The following AP4E1 variants were observed in gnomAD, a reference collection of about 807,000 sequenced individuals.
AP4E1 encodes adaptor related protein complex 4 subunit epsilon 1, also known as AP-4 complex subunit epsilon-1.
Under a neutral mutation model 128.2 loss-of-function variants are expected in AP4E1, and 56 were observed. The observed-to-expected ratio is 0.44, with a 90% CI of 0.35 to 0.55. The LOEUF is 0.55. Ranked by LOEUF, AP4E1 falls within the 20% of genes least tolerant of loss-of-function variation. The pLI is 0.00. For missense variants in AP4E1, 1,324 were observed against 1,307.7 expected (o/e 1.01, Z -0.19); for synonymous variants, 484 against 473.1 (o/e 1.02, Z -0.30).
chr15:50,915,580 G>GAA lies in AP4E1; in HGVS notation c.346+9_346+10insAA. ...CTTAGAAAAAAGAGTAGGTATGTAT[G>GAA]TGTTTTAAGACTTTGATGCTTTCAT... is the stretch of plus-strand genomic sequence containing the variant. On this transcript the variant is annotated intron_variant, in intron 3 of 20. Transcript: ENST00000261842. 6.2e-7 allele frequency: 1 copy of GAA among 1,613,398 alleles called. No homozygotes were observed. The highest frequency in any genetic ancestry group is 1.1e-5 in the South Asian group (1 of 91,074).
chr15:50,961,673 A>T (rs1419922779), intron 14 of AP4E1, among the ~76,000 whole-genome samples: 1 of 152,070 alleles, frequency 6.6e-6, no homozygotes, highest in East Asian at 1.9e-4. Context: ...AACTGAAGGC[A>T]CTTCCTCTAA....
intron 1 of AP4E1, among the ~76,000 whole-genome samples, chr15:50,911,772 C>T (rs1391105969): frequency 6.6e-6 from 1 of 152,006 alleles, no homozygotes; most frequent in African/African-American, 2.4e-5. Context: ...GCTGTTGTGC[C>T]CGGCTTCCAC....
chr15:50,909,972 A>C (rs2063544777), intron 1 of AP4E1, among the ~76,000 whole-genome samples: 1 of 149,556 alleles, frequency 6.7e-6, no homozygotes, highest in African/African-American at 2.5e-5. Context: ...TGCGTGAGCT[A>C]CCCTGCCCGG....
intron 10 of AP4E1, chr15:50,945,484 G>A: frequency 1.3e-6 from 1 of 763,174 alleles, no homozygotes. Context: ...GGACACTCCT[G>A]TAATGTTCCA....
chr15:50,977,375 T>C (rs1370186811), intron 15 of AP4E1, among the ~76,000 whole-genome samples: 2 of 152,200 alleles, frequency 1.3e-5, no homozygotes, highest in African/African-American at 4.8e-5. Flanking sequence ...CCCAAGCTTA[T>C]GCAGTCCTTT....
intron 13 of AP4E1, among the ~76,000 whole-genome samples, chr15:50,954,769 T>A (rs2064193609): frequency 6.6e-6 from 1 of 152,220 alleles, no homozygotes; most frequent in South Asian, 2.1e-4. Context: ...TATGTATACA[T>A]GTGCCATGTT....
At chr15:50,925,066 C>G in intron 4 of AP4E1, 32 bp from the exon 5 acceptor site, 1 of 1,612,996 alleles carries the variant, frequency 6.2e-7, no homozygotes, top group East Asian at 2.2e-5. Flanking sequence ...AGTATTTACA[C>G]TAAATGTTTT....
intron 3 of AP4E1, among the ~76,000 whole-genome samples, chr15:50,922,408 C>T (rs1027410643): frequency 5.3e-5 from 8 of 152,056 alleles, no homozygotes; most frequent in Non-Finnish European, 1.2e-4. Context: ...TGTTTCAACT[C>T]TTAAGATTGT....
chr15:50,962,889 C>CA (rs71127168), intron 14 of AP4E1, among the ~76,000 whole-genome samples: 1,304 of 38,690 alleles, frequency 0.034, 176 homozygotes, highest in East Asian at 0.068. Flanking sequence ...AATTCAACAG[C>CA]AAAAAAAAAA....
At chr15:50,986,995 T>A (rs1204669767) in intron 16 of AP4E1, among the ~76,000 whole-genome samples, 21 of 152,342 alleles carry the variant, frequency 1.4e-4, no homozygotes, top group Non-Finnish European at 2.9e-4. Context: ...AGCCTGTTAT[T>A]GGTCTACTCA....
At chr15:50,909,284 G>A (rs1231421304) in intron 1 of AP4E1, among the ~76,000 whole-genome samples, 2 of 152,336 alleles carry the variant, frequency 1.3e-5, no homozygotes, top group Non-Finnish European at 1.5e-5. Flanking sequence ...TCAAGCGTGT[G>A]AAAATACCTA....
At chr15:50,968,691 G>A (rs2064430700) in intron 15 of AP4E1, among the ~76,000 whole-genome samples, 2 of 152,208 alleles carry the variant, frequency 1.3e-5, no homozygotes, top group East Asian at 1.9e-4. Context: ...GCAGTGGCAC[G>A]ATCTGGGCTT....
chr15:50,979,990 C>T (rs755063749), intron 15 of AP4E1, among the ~76,000 whole-genome samples: 11 of 152,050 alleles, frequency 7.2e-5, no homozygotes, highest in Non-Finnish European at 1.3e-4. Flanking sequence ...AAGAAGCAGG[C>T]TAGGAAAATC....
intron 7 of AP4E1, among the ~76,000 whole-genome samples, chr15:50,932,405 G>A (rs933536551): frequency 6.6e-6 from 1 of 152,082 alleles, no homozygotes; most frequent in East Asian, 1.9e-4. Flanking sequence ...CTCATTCTCT[G>A]TGTGTGCATG....
At chr15:50,995,192 G>A (rs145518836) in intron 17 of AP4E1, among the ~76,000 whole-genome samples, 1 of 152,214 alleles carries the variant, frequency 6.6e-6, no homozygotes, top group East Asian at 1.9e-4. Context: ...CCTCATTTTG[G>A]ATGGCTGTTT....
intron 19 of AP4E1, 143 bp from the exon 20 acceptor site, chr15:51,000,883 A>T: frequency 1.5e-6 from 1 of 648,792 alleles, no homozygotes; most frequent in Non-Finnish European, 2.6e-6. Flanking sequence ...AACCATTTTT[A>T]GCATATTTGG....
At chr15:50,996,809 G>A (rs1023252419) in intron 17 of AP4E1, among the ~76,000 whole-genome samples, 1 of 152,202 alleles carries the variant, frequency 6.6e-6, no homozygotes, top group Non-Finnish European at 1.5e-5. Context: ...CCTGCTGAGT[G>A]TTCCAGTCAG....
Position 50,958,650 on chromosome 15 carries a change from T to C in AP4E1, c.1707T>C (p.Asn569=). Residue 569 remains asparagine, a synonymous_variant, in exon 14 of 21, where the codon AAT becomes AAC. Transcript: ENST00000261842. ...TGACATCTCAGGCGCACTCTTCTAA[T>C]ACAGTTGAGAGATTAATCCATGAAT... ...TKLTSQAHSS[N]TVERLIHEFT... 6.2e-7 allele frequency: 1 copy of C among 1,614,168 alleles called. No homozygotes were observed. Among genetic ancestry groups the C allele is most frequent in the South Asian group, 1.1e-5 (1 of 91,086 alleles).
At position 50,997,719 on chromosome 15, in the gene AP4E1, A is replaced by C. The variant is rs755478140; in HGVS notation, c.2740A>C (p.Ile914Leu). The change falls in exon 18 of 21, where the codon ATA (isoleucine) becomes CTA (leucine). Residue 914 changes from isoleucine to leucine, a missense_variant. Ile to Leu is a conservative substitution (Grantham distance 5). Transcript: ENST00000261842. ...TTTTTTGGAAGAAACTACTGAATAC[A>C]TACACTCAAATGCTATGGAAGTCTG... ...SSFLEETTEYIHSNAMEVCNN... is the reference protein window; with the variant it reads ...SSFLEETTEYLHSNAMEVCNN... 71 of 1,613,912 alleles carry C rather than the reference A, an allele frequency of 4.4e-5. 1 individual carries two copies. The highest frequency in any genetic ancestry group is 2.9e-4 in the South Asian group (26 of 91,088).
Sources: gnomAD v4.1 joint callset for allele counts (sites outside exome capture counted in the v4.1 genomes callset) on GRCh38, gnomAD v4.1.1 for gene constraint, MANE v1.5 for transcripts, NCBI Gene and HGNC (gene_info 2026-07-23, HGNC 2026-07-21) for gene names.